DLEU7: variants seen among roughly 807,000 people sequenced by gnomAD.
DLEU7 encodes leukemia-associated protein 7.
A neutral mutation model predicts 16.0 loss-of-function variants in DLEU7; 17 were observed. The observed-to-expected ratio is 1.06, with a 90% CI of 0.73 to 1.59. DLEU7 has a LOEUF of 1.59. Among genes scored for constraint, DLEU7 ranks in the 40% most tolerant of loss-of-function variants. The pLI is 0.00. For missense variants in DLEU7, 308 were observed against 314.9 expected, an observed-to-expected ratio of 0.98 and a Z score of 0.17; for synonymous variants, 113 against 139.8, an observed-to-expected ratio of 0.81 and a Z score of 1.35.
At chr13:50,735,657 T>C (rs1874048157) in intron 1 of DLEU7, among the ~76,000 whole-genome samples, 1 of 151,928 alleles carries the variant, frequency 6.6e-6, no homozygotes, top group African/African-American at 2.4e-5. Context: ...CTTAAACACA[T>C]TTACAAGAAA....
At chr13:50,767,461 A>G (rs1875154883) in intron 1 of DLEU7, among the ~76,000 whole-genome samples, 1 of 150,778 alleles carries the variant, frequency 6.6e-6, no homozygotes, top group Non-Finnish European at 1.5e-5. Flanking sequence ...GTCTCAAAAA[A>G]AAAAAAAAAA....
intron 1 of DLEU7, among the ~76,000 whole-genome samples, chr13:50,759,128 CAG>C (rs1267106208): frequency 6.6e-6 from 1 of 152,226 alleles, no homozygotes; most frequent in Non-Finnish European, 1.5e-5. Flanking sequence ...TTCCCTTAGA[CAG>C]GGGTTGATTT....
intron 1 of DLEU7, among the ~76,000 whole-genome samples, chr13:50,761,488 C>T (rs1033299179): frequency 6.6e-6 from 1 of 152,110 alleles, no homozygotes; most frequent in African/African-American, 2.4e-5. Flanking sequence ...CCCTAGTGGA[C>T]AATTCAGTCT....
chr13:50,737,928 C>T (rs1414571497), intron 1 of DLEU7, among the ~76,000 whole-genome samples: 1 of 151,970 alleles, frequency 6.6e-6, no homozygotes, highest in Non-Finnish European at 1.5e-5. Flanking sequence ...AAACTGTAAA[C>T]CAAGATGTGA....
chr13:50,793,110 A>G (rs142137457), intron 1 of DLEU7, among the ~76,000 whole-genome samples: 262 of 152,212 alleles, frequency 1.7e-3, no homozygotes, highest in African/African-American at 6.0e-3. Flanking sequence ...GCTTCCGCTT[A>G]CAAGTGAGAA....
chr13:50,775,089 T>G (rs113083165), intron 1 of DLEU7, among the ~76,000 whole-genome samples: 6,483 of 152,150 alleles, frequency 0.043, 189 homozygotes, highest in Non-Finnish European at 0.06. Flanking sequence ...CTCGTTATTC[T>G]GTAGGTCTCT....
chr13:50,728,539 C>A (rs1873828493), intron 1 of DLEU7, among the ~76,000 whole-genome samples: 1 of 152,046 alleles, frequency 6.6e-6, no homozygotes, highest in Non-Finnish European at 1.5e-5. Flanking sequence ...AAAGTGTTTT[C>A]CCAGGAAAGC....
At chr13:50,810,351 C>T (rs1224449803) in intron 1 of DLEU7, among the ~76,000 whole-genome samples, 1 of 151,990 alleles carries the variant, frequency 6.6e-6, no homozygotes, top group Non-Finnish European at 1.5e-5. Flanking sequence ...TGGTTTTAAA[C>T]CCAATACAGA....
At chr13:50,801,132 C>A (rs1374702720) in intron 1 of DLEU7, among the ~76,000 whole-genome samples, 1 of 152,078 alleles carries the variant, frequency 6.6e-6, no homozygotes, top group East Asian at 1.9e-4. Context: ...CTTTAGCTGT[C>A]CTCTCCTTGC....
intron 1 of DLEU7, among the ~76,000 whole-genome samples, chr13:50,771,250 G>T (rs1261280691): frequency 6.6e-6 from 1 of 151,932 alleles, no homozygotes; most frequent in African/African-American, 2.4e-5. Flanking sequence ...GGATTTTTTT[G>T]TGTCTCTATC....
At chr13:50,768,080 C>T (rs893503289) in intron 1 of DLEU7, among the ~76,000 whole-genome samples, 1 of 152,112 alleles carries the variant, frequency 6.6e-6, no homozygotes. Flanking sequence ...TCCTTTCTTC[C>T]TGTAGCTCTG....
chr13:50,772,231 T>G (rs1593389819), intron 1 of DLEU7, among the ~76,000 whole-genome samples: 2 of 152,342 alleles, frequency 1.3e-5, no homozygotes, highest in African/African-American at 4.8e-5. Flanking sequence ...TTTGCCAGTC[T>G]GTGTCTTTTA....
At chr13:50,810,606 G>T (rs755385296) in intron 1 of DLEU7, among the ~76,000 whole-genome samples, 1 of 152,206 alleles carries the variant, frequency 6.6e-6, no homozygotes, top group East Asian at 1.9e-4. Context: ...GGAAATCACC[G>T]CATTAGGGGA....
intron 1 of DLEU7, among the ~76,000 whole-genome samples, chr13:50,837,507 G>C (rs938644559): frequency 6.6e-6 from 1 of 152,110 alleles, no homozygotes; most frequent in Non-Finnish European, 1.5e-5. Context: ...TGGCTTACGG[G>C]GAGAGAATAA....
chr13:50,803,418 T>C, intron 1 of DLEU7, among the ~76,000 whole-genome samples: 1 of 152,168 alleles, frequency 6.6e-6, no homozygotes, highest in South Asian at 2.1e-4. Context: ...GATATAATTC[T>C]CTCTATATTA....
Position 50,779,806 on chromosome 13 carries a change from G to A in DLEU7, c.459+63382C>T, listed in dbSNP as rs191236928. ...TCAAATTAGTGTAATTTAAATGGGC[G>A]TCTTTATTGAAGGACTTCAGAGCCT... is the stretch of plus-strand genomic sequence containing the variant. On this transcript the variant is annotated intron_variant, in intron 1 of 1. Coordinates refer to the DLEU7 transcript ENST00000400393. Among the ~76,000 whole-genome samples, 8 of 152,230 alleles carry A rather than the reference G, an allele frequency of 5.3e-5. No individual in the cohort carries two copies. In the South Asian group the frequency reaches 8.3e-4, roughly 16 times the overall value.
intron 1 of DLEU7, among the ~76,000 whole-genome samples, chr13:50,839,038 A>G (rs1877563370): frequency 6.6e-6 from 1 of 152,208 alleles, no homozygotes; most frequent in Admixed American, 6.5e-5. Context: ...GTATTTTGCT[A>G]TGGCAAGCAG....
intron 1 of DLEU7, among the ~76,000 whole-genome samples, chr13:50,771,108 G>A (rs1462773728): frequency 1.3e-5 from 2 of 152,168 alleles, no homozygotes; most frequent in Non-Finnish European, 2.9e-5. Flanking sequence ...GGAATCGGTG[G>A]TGATAACCCC....
intron 1 of DLEU7, among the ~76,000 whole-genome samples, chr13:50,734,334 A>G (rs1173423140): frequency 6.6e-6 from 1 of 152,214 alleles, no homozygotes; most frequent in Non-Finnish European, 1.5e-5. Flanking sequence ...GTTCCAGAAA[A>G]TGTTCAAAAT....
Sources: gnomAD v4.1 joint callset for allele counts (sites outside exome capture counted in the v4.1 genomes callset) on GRCh38, gnomAD v4.1.1 for gene constraint, MANE v1.5 for transcripts, NCBI Gene and HGNC (gene_info 2026-07-23, HGNC 2026-07-21) for gene names.